Variants in OR1D2 observed in about 807,000 individuals in gnomAD.
The protein encoded by OR1D2 is olfactory receptor 1D2.
For synonymous variants in OR1D2, 157 were observed against 153.9 expected, an observed-to-expected ratio of 1.02 and a Z score of -0.15; for missense variants, 357 against 376.1, an observed-to-expected ratio of 0.95 and a Z score of 0.42.
rs1397016697 is a variant in OR1D2, at chr17:3,092,746, T to C, written c.251A>G (p.Asn84Ser). 3.7e-6 allele frequency: 6 copies of C among 1,613,730 alleles called. No individual in the cohort carries two copies. Among genetic ancestry groups the C allele is most frequent in the South Asian group, 1.1e-5 (1 of 91,054 alleles). ...VTNTIPKMLVNLQSHNKAISY... is the reference protein window; with the variant it reads ...VTNTIPKMLVSLQSHNKAISY... ...GATGGCTTTGTTATGGGACTGGAGG[T>C]TCACCAGCATCTTGGGGATTGTGTT... Residue 84 changes from asparagine (N) to serine (S), a missense_variant, in exon 2 of 2, where the codon AAC becomes AGC. Asn to Ser is a conservative substitution (Grantham distance 46). Coordinates refer to ENST00000641833, the MANE Select transcript of OR1D2 (RefSeq NM_002548.3).
Position 3,104,309 on chromosome 17 carries a change from T to A in OR1D2, c.-261A>T. The A allele has an allele frequency of 6.6e-6, 1 of 152,172 alleles. No individual in the cohort carries two copies. Among genetic ancestry groups the A allele is most frequent in the East Asian group, 1.9e-4 (1 of 5,188 alleles). 9.4% of individuals were successfully genotyped at this position (152,172 alleles called of 1,614,324 possible). On this transcript the variant is annotated 5_prime_UTR_variant, in exon 1 of 2. The change creates a premature stop within an existing upstream ORF in the 5' untranslated region. Transcript: ENST00000641833. Reference sequence around the variant, plus strand: ...CTTCTGTAAAAAAGGAGACAGGATTTCAGGCTATTGATGCCCCAATGAGAT... The same window carrying A: ...CTTCTGTAAAAAAGGAGACAGGATTACAGGCTATTGATGCCCCAATGAGAT...
intron 1 of OR1D2, among the ~76,000 whole-genome samples, chr17:3,101,741 G>A (rs1045558236): frequency 6.6e-6 from 1 of 152,178 alleles, no homozygotes; most frequent in African/African-American, 2.4e-5. Flanking sequence ...TCTGTTTGCT[G>A]ATGACATGAT....
chr17:3,094,389 G>C (rs753941534), intron 1 of OR1D2, among the ~76,000 whole-genome samples: 5 of 151,710 alleles, frequency 3.3e-5, no homozygotes, highest in Non-Finnish European at 5.9e-5. Context: ...AAAGAAAAAA[G>C]AAACATGTAT....
chr17:3,096,531 G>A (rs1294952596), intron 1 of OR1D2, among the ~76,000 whole-genome samples: 1 of 152,232 alleles, frequency 6.6e-6, no homozygotes, highest in East Asian at 1.9e-4. Flanking sequence ...GGGAGGCTGA[G>A]GTAGGAGAAT....
chr17:3,103,561 A>C (rs962124790), intron 1 of OR1D2, among the ~76,000 whole-genome samples: 2 of 152,222 alleles, frequency 1.3e-5, no homozygotes, highest in Non-Finnish European at 2.9e-5. Flanking sequence ...GTTTCTGAGA[A>C]CCAAGTTCTT....
At chr17:3,103,069 C>CA (rs2047881719) in intron 1 of OR1D2, among the ~76,000 whole-genome samples, 1 of 152,130 alleles carries the variant, frequency 6.6e-6, no homozygotes, top group Non-Finnish European at 1.5e-5. Context: ...AGGCTTCCCA[C>CA]ATCACAAATG....
At position 3,092,074 on chromosome 17, in the gene OR1D2, A is replaced by G; in HGVS notation, c.923T>C (p.Phe308Ser). The change falls in exon 2 of 2, where the codon TTT (phenylalanine) becomes TCT (serine). Residue 308 changes from phenylalanine (F) to serine (S), a missense_variant. By Grantham distance (155) the Phe-to-Ser change is radical. Coordinates refer to ENST00000641833, the MANE Select transcript of OR1D2 (RefSeq NM_002548.3). Reference protein sequence around the residue: ...GALGRLLDKHFKRLT With the variant: ...GALGRLLDKHSKRLT ...AAATTGCCCTCATGTCAGCCTCTTA[A>G]AGTGTTTATCTAGGAGTCTTCCCAG... The G allele has an allele frequency of 6.2e-7, 1 of 1,609,686 alleles. No homozygotes were observed. Among genetic ancestry groups the G allele is most frequent in the Non-Finnish European group, 8.5e-7 (1 of 1,178,156 alleles).
rs1389136116 is a variant in OR1D2, at chr17:3,090,044, G to C, written c.*2014C>G. On this transcript the variant is annotated 3_prime_UTR_variant, in exon 2 of 2. Coordinates refer to ENST00000641833, the MANE Select transcript of OR1D2 (RefSeq NM_002548.3). ...TGGCTGCTGTGAATAGCCATTTTTAGAAAAATAAGTTTTCTGCCTCCTTTT... is the reference window on the plus strand; with the variant it reads ...TGGCTGCTGTGAATAGCCATTTTTACAAAAATAAGTTTTCTGCCTCCTTTT... 11 of 152,154 alleles carry C rather than the reference G, an allele frequency of 7.2e-5. No individual in the cohort carries two copies. The highest frequency in any genetic ancestry group is 7.2e-4 in the Admixed American group (11 of 15,284). 9.4% of individuals were successfully genotyped at this position (152,154 alleles called of 1,614,324 possible).
At position 3,091,915 on chromosome 17, in the gene OR1D2, C is replaced by T. The variant is rs951113934; in HGVS notation, c.*143G>A. 15 of 662,626 alleles carry T rather than the reference C, an allele frequency of 2.3e-5. No homozygotes were observed. Among genetic ancestry groups the T allele is most frequent in the Non-Finnish European group, 3.6e-5 (14 of 385,974 alleles). 41.0% of individuals were successfully genotyped at this position (662,626 alleles called of 1,614,324 possible). A position where few individuals can be genotyped will look rare whatever the true frequency, so the allele number is the denominator to read the frequency against. On this transcript the variant is annotated 3_prime_UTR_variant, in exon 2 of 2. Transcript: ENST00000641833. ...GGGGGACACCAGGTTACAAATATGT[C>T]TTTTTTATCACCACATATCTATATG...
intron 1 of OR1D2, among the ~76,000 whole-genome samples, chr17:3,099,388 A>G (rs1168422367): frequency 6.6e-6 from 1 of 152,230 alleles, no homozygotes; most frequent in Non-Finnish European, 1.5e-5. Flanking sequence ...TCTGAAAGAA[A>G]AAAATTTTCA....
Position 3,091,789 on chromosome 17 carries a change from G to C in OR1D2, c.*269C>G, listed in dbSNP as rs2047810383. On this transcript the variant is annotated 3_prime_UTR_variant, in exon 2 of 2. Coordinates refer to ENST00000641833, the MANE Select transcript of OR1D2 (RefSeq NM_002548.3). Reference sequence around the variant, plus strand: ...ACTGGATATAGTCAGATAAGGCCAAGAATGTGGCCCTGTAGTCAAGTACAT... The same window carrying C: ...ACTGGATATAGTCAGATAAGGCCAACAATGTGGCCCTGTAGTCAAGTACAT... 1 of 356,976 alleles carries C rather than the reference G, an allele frequency of 2.8e-6. No individual in the cohort carries two copies. Among genetic ancestry groups the C allele is most frequent in the African/African-American group, 2.0e-5 (1 of 49,326 alleles). The allele number at this position is 356,976 out of a possible 1,614,324, so 22.1% of individuals were successfully genotyped here.
At chr17:3,097,263 A>T (rs2047850560) in intron 1 of OR1D2, among the ~76,000 whole-genome samples, 6 of 152,204 alleles carry the variant, frequency 3.9e-5, no homozygotes, top group Admixed American at 3.9e-4. Context: ...AAAACTTGAA[A>T]GCATTCCTAC....
Position 3,092,168 on chromosome 17 carries a change from A to G in OR1D2, c.829T>C (p.Tyr277His), listed in dbSNP as rs1034579780. The change falls in exon 2 of 2, where the codon TAT (tyrosine) becomes CAT (histidine). Residue 277 changes from tyrosine to histidine, a missense_variant. Physicochemically the swap from Tyr to His is moderately conservative, Grantham distance 83. Transcript: ENST00000641833. ...TTCATCATGGGTGTCACCACAGCAT[A>G]CATCACTGTGGCTACTGAGTCCTTC... ...SVKDSVATVM[Y>H]AVVTPMMNPF... 3 of 1,613,150 alleles carry G rather than the reference A, an allele frequency of 1.9e-6. No individual in the cohort carries two copies. The highest frequency in any genetic ancestry group is 1.3e-5 in the African/African-American group (1 of 74,914).
At chr17:3,096,225 T>A (rs2047843985) in intron 1 of OR1D2, among the ~76,000 whole-genome samples, 1 of 152,118 alleles carries the variant, frequency 6.6e-6, no homozygotes, top group Non-Finnish European at 1.5e-5. Context: ...GAGACATAAA[T>A]CTAACTATAT....
At chr17:3,103,732 A>G (rs112810079) in intron 1 of OR1D2, among the ~76,000 whole-genome samples, 308 of 152,102 alleles carry the variant, frequency 2.0e-3, no homozygotes, top group Admixed American at 3.9e-3. Flanking sequence ...TGTAGGGGCA[A>G]TATGGAAAAG....
At position 3,104,322 on chromosome 17, in the gene OR1D2, G is replaced by GC. The variant is rs1359451838; in HGVS notation, c.-275dup. 3.9e-5 allele frequency: 6 copies of GC among 152,206 alleles called. No homozygotes were observed. In the East Asian group the frequency reaches 1.2e-3, roughly 29 times the overall value. The allele number at this position is 152,206 out of a possible 1,614,324, so 9.4% of individuals were successfully genotyped here. A position where few individuals can be genotyped will look rare whatever the true frequency, so the allele number is the denominator to read the frequency against. ...GGAGACAGGATTTCAGGCTATTGAT[G>GC]CCCCAATGAGATTTGTGGGATATGA... On this transcript the variant is annotated 5_prime_UTR_variant, in exon 1 of 2. It introduces an in-frame stop codon into an upstream open reading frame of the 5' UTR. Transcript: ENST00000641833.
chr17:3,098,383 T>C (rs2047857364), intron 1 of OR1D2, among the ~76,000 whole-genome samples: 1 of 151,944 alleles, frequency 6.6e-6, no homozygotes, highest in Non-Finnish European at 1.5e-5. Flanking sequence ...GCGAACCAGA[T>C]GAATAGGGCC....
chr17:3,096,119 A>C, intron 1 of OR1D2, among the ~76,000 whole-genome samples: 1 of 152,194 alleles, frequency 6.6e-6, no homozygotes, highest in Non-Finnish European at 1.5e-5. Context: ...ATTAAAATGC[A>C]ACATGAGAAA....
chr17:3,100,131 C>T (rs2047868041), intron 1 of OR1D2, among the ~76,000 whole-genome samples: 1 of 152,072 alleles, frequency 6.6e-6, no homozygotes, highest in African/African-American at 2.4e-5. Flanking sequence ...ATCAATGAGA[C>T]TGAAAAATAA....
Sources: allele counts gnomAD v4.1 joint callset (sites outside exome capture counted in the v4.1 genomes callset), GRCh38; gene constraint gnomAD v4.1.1; transcripts MANE v1.5; gene names NCBI Gene and HGNC (gene_info 2026-07-23, HGNC 2026-07-21).